DNAH7: variants seen among roughly 807,000 people sequenced by gnomAD.
DNAH7 encodes dynein axonemal heavy chain 7.
In DNAH7, 397 loss-of-function variants were observed where a neutral mutation model predicts 444.6. The ratio of observed to expected loss-of-function variants is 0.89; its 90% CI spans 0.82 to 0.97. The LOEUF is 0.97. Ranked by LOEUF, DNAH7 falls within the 50% of genes least tolerant of loss-of-function variation. The probability of loss-of-function intolerance (pLI) is 0.00; values close to 1 mark genes in which losing one functional copy is unlikely to be tolerated. For missense variants in DNAH7, 4,902 were observed against 4,800.8 expected, an observed-to-expected ratio of 1.02 and a Z score of -0.62; for synonymous variants, 1,636 against 1,624.4, an observed-to-expected ratio of 1.01 and a Z score of -0.17.
In DNAH7 at chr2:195,944,620, A is replaced by G. The variant is rs575912851; in HGVS notation, c.3079-7828T>C. ...CAGTTTTCACCACCCCATGCTTTGC[A>G]ATAAGTAAACTATCTTTCACATAAC... On this transcript the variant is annotated intron_variant, in intron 19 of 64. Transcript: ENST00000312428. 1.3e-4 allele frequency among the ~76,000 whole-genome samples: 20 copies of G among 152,312 alleles called. No individual in the cohort carries two copies. In the Middle Eastern group the frequency reaches 0.014, roughly 104 times the overall value.
intron 12 of DNAH7, among the ~76,000 whole-genome samples, chr2:195,995,945 T>C (rs1693668224): frequency 6.6e-6 from 1 of 152,250 alleles, no homozygotes; most frequent in Non-Finnish European, 1.5e-5. Context: ...ATTGGTATTT[T>C]GATAGAGATT....
intron 28 of DNAH7, 60 bp downstream of exon 28, chr2:195,900,222 C>CTA: frequency 6.5e-7 from 1 of 1,532,294 alleles, no homozygotes; most frequent in Non-Finnish European, 9.0e-7. Context: ...CTCTGAAGAC[C>CTA]CATTAGGCTG....
intron 17 of DNAH7, among the ~76,000 whole-genome samples, chr2:195,969,337 T>C (rs1279350582): frequency 6.6e-6 from 1 of 152,246 alleles, no homozygotes; most frequent in Admixed American, 6.5e-5. Context: ...GATCTTTCAA[T>C]GTAAGAAAAA....
Position 196,019,264 on chromosome 2 carries a change from A to G in DNAH7, c.775T>C (p.Ser259Pro). The change falls in exon 9 of 65, where the codon TCT (serine) becomes CCT (proline). Residue 259 changes from serine (S) to proline (P), a missense_variant. Ser to Pro is a moderately conservative substitution (Grantham distance 74). Coordinates refer to ENST00000312428, the MANE Select transcript of DNAH7 (RefSeq NM_018897.3). ...MEILPKPWRK[S>P]FLAASSYIRD... ...ATATAACTGCTTGCAGCTAAAAAAG[A>G]TTTCCTCCAAGGTTTTGGCAGAATT... The G allele has an allele frequency of 6.6e-7, 1 of 1,507,154 alleles. No homozygotes were observed. The highest frequency in any genetic ancestry group is 2.3e-5 in the East Asian group (1 of 43,048). The allele number at this position is 1,507,154 out of a possible 1,614,324, so 93.4% of individuals were successfully genotyped here.
intron 56 of DNAH7, among the ~76,000 whole-genome samples, chr2:195,795,427 G>C (rs1696088625): frequency 6.6e-6 from 1 of 152,194 alleles, no homozygotes; most frequent in Non-Finnish European, 1.5e-5. Flanking sequence ...TATAAGGCGT[G>C]AAGTATGAGG....
At chr2:196,067,115 A>G (rs1462325803) in intron 1 of DNAH7, among the ~76,000 whole-genome samples, 3 of 152,166 alleles carry the variant, frequency 2.0e-5, no homozygotes, top group Non-Finnish European at 4.4e-5. Context: ...TCCCAACATC[A>G]CTTTTATAAA....
chr2:196,066,107 T>C (rs1290000572), intron 1 of DNAH7, among the ~76,000 whole-genome samples: 1 of 152,228 alleles, frequency 6.6e-6, no homozygotes, highest in African/African-American at 2.4e-5. Context: ...TTGCATTTTG[T>C]TTTTACTTCA....
intron 50 of DNAH7, 137 bp downstream of exon 50, chr2:195,817,559 T>C: frequency 1.1e-6 from 1 of 928,716 alleles, no homozygotes; most frequent in Non-Finnish European, 1.5e-6. Context: ...AGAGGTATAA[T>C]TCCTTACATT....
chr2:195,854,859 C>T (rs1030222026), intron 45 of DNAH7, among the ~76,000 whole-genome samples: 1 of 152,032 alleles, frequency 6.6e-6, no homozygotes. Context: ...ATTATTTAAA[C>T]TAAAACTGAT....
At chr2:195,871,081 T>C (rs1216844898) in intron 40 of DNAH7, among the ~76,000 whole-genome samples, 1 of 152,170 alleles carries the variant, frequency 6.6e-6, no homozygotes, top group African/African-American at 2.4e-5. Context: ...ACATCATCCT[T>C]TCCAAAGAAT....
intron 21 of DNAH7, among the ~76,000 whole-genome samples, chr2:195,931,296 G>A (rs957238882): frequency 2.0e-5 from 3 of 152,132 alleles, no homozygotes; most frequent in African/African-American, 4.8e-5. Context: ...AAATTTGTTT[G>A]AGTTCATTGT....
chr2:196,057,675 C>G (rs564000566), intron 2 of DNAH7, among the ~76,000 whole-genome samples: 7 of 152,288 alleles, frequency 4.6e-5, no homozygotes, highest in African/African-American at 1.7e-4. Context: ...TTACACAGTT[C>G]ATGCTGAGCT....
intron 2 of DNAH7, among the ~76,000 whole-genome samples, chr2:196,054,988 T>C (rs971862804): frequency 1.3e-5 from 2 of 152,184 alleles, no homozygotes; most frequent in Non-Finnish European, 2.9e-5. Context: ...TATTTCTTCA[T>C]AGCAGCATGA....
intron 31 of DNAH7, among the ~76,000 whole-genome samples, chr2:195,890,922 C>A (rs1346396011): frequency 1.3e-5 from 2 of 152,210 alleles, no homozygotes; most frequent in African/African-American, 2.4e-5. Flanking sequence ...TGATAAACAA[C>A]TTAAACGTCC....
At chr2:195,954,416 C>T (rs1270979646) in intron 19 of DNAH7, among the ~76,000 whole-genome samples, 1 of 152,152 alleles carries the variant, frequency 6.6e-6, no homozygotes, top group African/African-American at 2.4e-5. Context: ...TTTTCTTTAC[C>T]CAGTCTATCA....
intron 25 of DNAH7, 28 bp from the exon 26 acceptor site, chr2:195,907,037 T>C (rs1318037541): frequency 6.5e-7 from 1 of 1,548,834 alleles, no homozygotes; most frequent in Admixed American, 1.8e-5. Flanking sequence ...TGAAAATTTT[T>C]GACTTTATCT....
At chr2:195,777,478 G>A (rs1212548390) in intron 59 of DNAH7, among the ~76,000 whole-genome samples, 1 of 152,014 alleles carries the variant, frequency 6.6e-6, no homozygotes, top group African/African-American at 2.4e-5. Flanking sequence ...ATAATATTTT[G>A]CTAATACCAT....
Position 195,872,266 on chromosome 2 carries a change from C to T in DNAH7, c.6617G>A (p.Arg2206His), listed in dbSNP as rs1294108102. 8.1e-6 allele frequency: 13 copies of T among 1,612,824 alleles called. No homozygotes were observed. Among genetic ancestry groups the T allele is most frequent in the Middle Eastern group, 1.7e-4 (1 of 6,054 alleles). Residue 2206 changes from arginine (R) to histidine (H), a missense_variant, in exon 40 of 65, where the codon CGT becomes CAT. Transcript: ENST00000312428. ...ETTETTEVIK[R>H]LWVHEVLRVY... ...AAAATTTACCTCATGAACCCAAAGACGTTTAATCACTTCTGTGGTTTCTGT... is the reference window on the plus strand; with the variant it reads ...AAAATTTACCTCATGAACCCAAAGATGTTTAATCACTTCTGTGGTTTCTGT...
chr2:195,980,377 C>T (rs1692494743), intron 15 of DNAH7, among the ~76,000 whole-genome samples: 2 of 152,272 alleles, frequency 1.3e-5, no homozygotes, highest in South Asian at 4.1e-4. Context: ...CTGAGGCTTC[C>T]CCAGCCTTGC....
Sources: allele counts gnomAD v4.1 joint callset (sites outside exome capture counted in the v4.1 genomes callset), GRCh38; gene constraint gnomAD v4.1.1; transcripts MANE v1.5; gene names NCBI Gene and HGNC (gene_info 2026-07-23, HGNC 2026-07-21).